The following SERPINA10 variants were observed in gnomAD, a reference collection of about 807,000 sequenced individuals.
SERPINA10 encodes protein Z-dependent protease inhibitor.
SERPINA10 carries 24 observed loss-of-function variants against 28.0 expected under a neutral mutation model. The observed-to-expected ratio is 0.86, with a 90% confidence interval of 0.62 to 1.20. SERPINA10 has a LOEUF of 1.20. SERPINA10 is among the 50% of genes most tolerant of loss of function. The probability of loss-of-function intolerance (pLI) is 0.00; values close to 1 mark genes in which losing one functional copy is unlikely to be tolerated. For synonymous variants in SERPINA10, 207 were observed against 203.9 expected (o/e 1.02, Z -0.13); for missense variants, 521 against 537.7 (o/e 0.97, Z 0.31).
intron 1 of SERPINA10, among the ~76,000 whole-genome samples, chr14:94,292,213 G>A (rs182763924): frequency 2.4e-4 from 37 of 152,286 alleles, no homozygotes; most frequent in African/African-American, 5.8e-4. Flanking sequence ...AGATGAGGTC[G>A]TGAGGGCAAG....
rs74075985 is a variant in SERPINA10 at position 94,292,530 on chromosome 14, T to C, written c.-51+659A>G. On this transcript the variant is annotated intron_variant, in intron 1 of 4. Coordinates refer to ENST00000261994, the MANE Select transcript of SERPINA10 (RefSeq NM_001100607.3). The stretch of plus-strand genomic sequence containing the variant: ...CACAGAATACTCCTGAATTCAAGGT[T>C]ACTTCTCCCTGTACAATGGTCAGGA... 1.0e-3 allele frequency: 700 copies of C among 696,446 alleles called. 5 individuals are homozygous for C. The African/African-American group carries it at 0.011, about 11-fold the overall frequency. 43.1% of individuals were successfully genotyped at this position (696,446 alleles called of 1,614,324 possible).
In SERPINA10 at chr14:94,280,708, T is replaced by C. The variant is rs1242200124; in HGVS notation, c.*3257A>G. Reference sequence around the variant, plus strand: ...GGGAAAAGGGACATCTTCATCATCATTTTGTTAATTACTAAAACTTGCATT... The same window carrying C: ...GGGAAAAGGGACATCTTCATCATCACTTTGTTAATTACTAAAACTTGCATT... On this transcript the variant is annotated 3_prime_UTR_variant, in exon 5 of 5. Transcript: ENST00000261994. 2 of 152,190 alleles carry C rather than the reference T, an allele frequency of 1.3e-5. No individual in the cohort carries two copies. The highest frequency in any genetic ancestry group is 2.4e-5 in the African/African-American group (1 of 41,446). The allele number at this position is 152,190 out of a possible 1,614,324, so 9.4% of individuals were successfully genotyped here.
Position 94,284,047 on chromosome 14 carries a change from C to A in SERPINA10, c.1253G>T (p.Arg418Leu). 5 of 1,614,158 alleles carry A rather than the reference C, an allele frequency of 3.1e-6. No individual in the cohort carries two copies. The highest frequency in any genetic ancestry group is 1.3e-5 in the African/African-American group (1 of 75,028). Residue 418 changes from arginine to leucine, a missense_variant, in exon 5 of 5, where the codon CGG becomes CTG. Coordinates refer to ENST00000261994, the MANE Select transcript of SERPINA10 (RefSeq NM_001100607.3). Reference sequence around the variant, plus strand: ...TTCATAGATCATGAAATGAAATGGCCGGTCCACTTTGATGACAGGAGGCAT... The same window carrying A: ...TTCATAGATCATGAAATGAAATGGCAGGTCCACTTTGATGACAGGAGGCAT... ...YSMPPVIKVD[R>L]PFHFMIYEET...
In SERPINA10 at chr14:94,286,152, G is replaced by C; in HGVS notation, c.1099C>G (p.Leu367Val). Residue 367 changes from leucine to valine, a missense_variant, in exon 4 of 5, where the codon CTT becomes GTT. Coordinates refer to ENST00000261994, the MANE Select transcript of SERPINA10 (RefSeq NM_001100607.3). The stretch of plus-strand genomic sequence containing the variant: ...CTTCCAGTAGCTGAGAGTTCACTAA[G>C]GTCAGCAAAGGGTGAGAAGATTCTT... ...IRRIFSPFAD[L>V]SELSATGRNL... 1 of 1,614,098 alleles carries C rather than the reference G, an allele frequency of 6.2e-7. No homozygotes were observed. Among genetic ancestry groups the C allele is most frequent in the Non-Finnish European group, 8.5e-7 (1 of 1,180,016 alleles).
At position 94,292,792 on chromosome 14, in the gene SERPINA10, G is replaced by C. The variant is rs548949170; in HGVS notation, c.-51+397C>G. ...GGACACCATCCAGCATGGTGAGGAC[G>C]CACCTTCCTAGACAGAACCTGGGCA... On this transcript the variant is annotated intron_variant, in intron 1 of 4. Coordinates refer to ENST00000261994, the MANE Select transcript of SERPINA10 (RefSeq NM_001100607.3). 5 of 668,314 alleles carry C rather than the reference G, an allele frequency of 7.5e-6. No homozygotes were observed. In the East Asian group the frequency reaches 1.1e-4, roughly 15 times the overall value. The allele number at this position is 668,314 out of a possible 1,614,324, so 41.4% of individuals were successfully genotyped here. A position where few individuals can be genotyped will look rare whatever the true frequency, so the allele number is the denominator to read the frequency against.
chr14:94,288,400 TGGTA>T lies in SERPINA10; in HGVS notation c.874_877del (p.Tyr292LysfsTer24). The T allele has an allele frequency of 6.2e-7, 1 of 1,614,090 alleles. No homozygotes were observed. Among genetic ancestry groups the T allele is most frequent in the East Asian group, 2.2e-5 (1 of 44,864 alleles). On this transcript the variant is annotated frameshift_variant, in exon 3 of 5. Coordinates refer to ENST00000261994, the MANE Select transcript of SERPINA10 (RefSeq NM_001100607.3). LOFTEE classifies it high-confidence loss of function. ...GACCACCAGCATGGTGGCATTTCCT[TGGTA>T]GGGCAGTTTGAGGACATGACAACGA...
chr14:94,286,619 C>T lies in SERPINA10; in HGVS notation c.993-361G>A, dbSNP rs545279444. ...TTTCAGCTCCTGGATTCTGCAGACC[C>T]GAGGAGTCTGGGGATGGATGGGGAG... is the stretch of plus-strand genomic sequence containing the variant. On this transcript the variant is annotated intron_variant, in intron 3 of 4. Coordinates refer to ENST00000261994, the MANE Select transcript of SERPINA10 (RefSeq NM_001100607.3). 4.6e-4 allele frequency among the ~76,000 whole-genome samples: 70 copies of T among 152,296 alleles called. 1 individual carries two copies. The East Asian group carries it at 6.7e-3, about 15-fold the overall frequency.
chr14:94,291,803 G>A (rs190582929), intron 1 of SERPINA10, among the ~76,000 whole-genome samples: 1 of 152,238 alleles, frequency 6.6e-6, no homozygotes, highest in African/African-American at 2.4e-5. Flanking sequence ...TGATGCAGGG[G>A]CTGAGTCCTT....
At position 94,290,206 on chromosome 14, in the gene SERPINA10, A is replaced by C; in HGVS notation, c.388T>G (p.Leu130Val). ...GGCTTGGTGGGCTTCAGGGCCTGCA[A>C]GTGGAGCCCTCTCTTGATCTGGGTT... is the stretch of plus-strand genomic sequence containing the variant. ...TETQIKRGLH[L>V]QALKPTKPGL... The change falls in exon 2 of 5, where the codon TTG becomes GTG. Residue 130 changes from leucine to valine, a missense_variant. Physicochemically the swap from Leu to Val is conservative, Grantham distance 32 (BLOSUM62 1). Coordinates refer to ENST00000261994, the MANE Select transcript of SERPINA10 (RefSeq NM_001100607.3). The C allele has an allele frequency of 6.2e-7, 1 of 1,613,600 alleles. No individual in the cohort carries two copies. The highest frequency in any genetic ancestry group is 8.5e-7 in the Non-Finnish European group (1 of 1,179,668).
intron 1 of SERPINA10, chr14:94,292,513 A>G: frequency 1.4e-6 from 1 of 689,660 alleles, no homozygotes. Flanking sequence ...CACACAGAAT[A>G]CTCCTGAATT....
chr14:94,292,165 G>A (rs545176972), intron 1 of SERPINA10, among the ~76,000 whole-genome samples: 1 of 152,316 alleles, frequency 6.6e-6, no homozygotes, highest in South Asian at 2.1e-4. Context: ...CCATTGTGAT[G>A]GCAATAGAGT....
chr14:94,282,292 A>G lies in SERPINA10; in HGVS notation c.*1673T>C, dbSNP rs1020950588. 8.5e-5 allele frequency: 13 copies of G among 152,160 alleles called. No homozygotes were observed. Among genetic ancestry groups the G allele is most frequent in the Admixed American group, 3.3e-4 (5 of 15,282 alleles). 9.4% of individuals were successfully genotyped at this position (152,160 alleles called of 1,614,324 possible). On this transcript the variant is annotated 3_prime_UTR_variant, in exon 5 of 5. Transcript: ENST00000261994. ...TAAACATTAGATAGCAGACAGACAG[A>G]AATCCAATTAGGCATTTAGTTAACA...
At position 94,282,110 on chromosome 14, in the gene SERPINA10, A is replaced by G. The variant is rs566732859; in HGVS notation, c.*1855T>C. On this transcript the variant is annotated 3_prime_UTR_variant, in exon 5 of 5. Coordinates refer to ENST00000261994, the MANE Select transcript of SERPINA10 (RefSeq NM_001100607.3). The stretch of plus-strand genomic sequence containing the variant: ...TGGAATGAATACAGGAATGAATTTT[A>G]TTTTATTAATATGCAGTCTAAATAC... 1 of 152,328 alleles carries G rather than the reference A, an allele frequency of 6.6e-6. No individual in the cohort carries two copies. The highest frequency in any genetic ancestry group is 2.1e-4 in the South Asian group (1 of 4,786). 9.4% of individuals were successfully genotyped at this position (152,328 alleles called of 1,614,324 possible). A position where few individuals can be genotyped will look rare whatever the true frequency, so the allele number is the denominator to read the frequency against.
chr14:94,285,470 TGTATGTCTCTCTCC>T lies in SERPINA10; in HGVS notation c.1143+624_1143+637del, dbSNP rs536675461. Among the ~76,000 whole-genome samples, 262 of 151,958 alleles carry T rather than the reference TGTATGTCTCTCTCC, an allele frequency of 1.7e-3. 2 individuals carry two copies. The South Asian group carries it at 0.028, about 16-fold the overall frequency. On this transcript the variant is annotated intron_variant, in intron 4 of 4. Transcript: ENST00000261994. ...CTCTCTCTCTCTCTCCATATATATA[TGTATGTCTCTCTCC>T]ATATATATATATATGTGTGTGTATA...
At chr14:94,292,148 C>T (rs1003834095) in intron 1 of SERPINA10, among the ~76,000 whole-genome samples, 1 of 152,126 alleles carries the variant, frequency 6.6e-6, no homozygotes, top group African/African-American at 2.4e-5. Flanking sequence ...AGTTGAAGCC[C>T]GAACCACCAT....
In SERPINA10 at chr14:94,289,973, AT is replaced by A; in HGVS notation, c.620del (p.His207LeufsTer24). ...NASQAKRLMN[H>X]YINKETRGKI... ...TCCCCCGAGTCTCTTTGTTAATGTA[AT>A]GATTCATGAGCCTTTTGGCCTGTGA... On this transcript the variant is annotated frameshift_variant, in exon 2 of 5. Coordinates refer to ENST00000261994, the MANE Select transcript of SERPINA10 (RefSeq NM_001100607.3). LOFTEE classifies it high-confidence loss of function. 6.2e-7 allele frequency: 1 copy of A among 1,614,242 alleles called. No individual in the cohort carries two copies. Among genetic ancestry groups the A allele is most frequent in the Non-Finnish European group, 8.5e-7 (1 of 1,180,040 alleles).
chr14:94,292,651 C>T, intron 1 of SERPINA10: 1 of 701,718 alleles, frequency 1.4e-6, no homozygotes, highest in Non-Finnish European at 2.6e-6. Context: ...CAGTGGTAGC[C>T]CAGTAATTCC....
In SERPINA10 at chr14:94,290,240, C is replaced by T; in HGVS notation, c.354G>A (p.Gly118=). ...AMTGLMLGAT[G]PTETQIKRGL... ...CTCTCTTGATCTGGGTTTCAGTCGG[C>T]CCTGTGGCCCCCAGCATCAAGCCTG... The change falls in exon 2 of 5, where the codon GGG becomes GGA. Residue 118 remains glycine (G), a synonymous_variant. Transcript: ENST00000261994. 5 of 1,614,074 alleles carry T rather than the reference C, an allele frequency of 3.1e-6. No individual in the cohort carries two copies. Among genetic ancestry groups the T allele is most frequent in the Non-Finnish European group, 4.2e-6 (5 of 1,179,924 alleles).
At position 94,290,103 on chromosome 14, in the gene SERPINA10, C is replaced by A; in HGVS notation, c.491G>T (p.Ser164Ile). The change falls in exon 2 of 5, where the codon AGT becomes ATT. Residue 164 changes from serine (S) to isoleucine (I), a missense_variant. By Grantham distance (142) the Ser-to-Ile change is moderately radical. Coordinates refer to ENST00000261994, the MANE Select transcript of SERPINA10 (RefSeq NM_001100607.3). Reference protein sequence around the residue: ...RNLELGLTQGSFAFIHKDFDV... With the variant: ...RNLELGLTQGIFAFIHKDFDV... ...AAAATCCTTGTGGATGAAGGCAAAA[C>A]TCCCCTGTGTGAGGCCCAGTTCCAG... 6.2e-7 allele frequency: 1 copy of A among 1,614,216 alleles called. No individual in the cohort carries two copies. The highest frequency in any genetic ancestry group is 8.5e-7 in the Non-Finnish European group (1 of 1,180,040).
Sources: allele counts gnomAD v4.1 joint callset (sites outside exome capture counted in the v4.1 genomes callset), GRCh38; gene constraint gnomAD v4.1.1; transcripts MANE v1.5; gene names NCBI Gene and HGNC (gene_info 2026-07-23, HGNC 2026-07-21).